Variants in ABLIM1 observed in about 807,000 individuals in gnomAD.
The protein encoded by ABLIM1 is actin binding LIM protein 1.
ABLIM1 carries 40 observed loss-of-function variants against 107.0 expected under a neutral mutation model. The ratio of observed to expected loss-of-function variants is 0.37; its 90% CI spans 0.29 to 0.49. The LOEUF (loss-of-function observed/expected upper bound fraction) is 0.49. ABLIM1 is among the 20% of genes least tolerant of loss of function. The pLI is 0.97. For missense variants in ABLIM1, 857 were observed against 1,008.5 expected, an observed-to-expected ratio of 0.85 and a Z score of 2.04; for synonymous variants, 357 against 357.3, an observed-to-expected ratio of 1.00 and a Z score of 0.01.
intron 6 of ABLIM1, among the ~76,000 whole-genome samples, chr10:114,495,996 G>A (rs79507831): frequency 0.019 from 2,821 of 152,264 alleles, 96 homozygotes; most frequent in African/African-American, 0.064. Context: ...GTGACACATT[G>A]CACAAAGTAA....
intron 4 of ABLIM1, among the ~76,000 whole-genome samples, chr10:114,565,142 C>T (rs908044717): frequency 2.0e-5 from 3 of 152,194 alleles, no homozygotes; most frequent in Non-Finnish European, 4.4e-5. Context: ...TGCCAGGCCT[C>T]CTCTGCCATT....
At chr10:114,617,443 T>C (rs1004245912) in intron 1 of ABLIM1, among the ~76,000 whole-genome samples, 2 of 151,848 alleles carry the variant, frequency 1.3e-5, no homozygotes, top group Admixed American at 6.6e-5. Context: ...TTTTTTTGTA[T>C]TTTTAGTAGA....
At chr10:114,552,624 T>C (rs1435430971) in intron 4 of ABLIM1, among the ~76,000 whole-genome samples, 4 of 152,136 alleles carry the variant, frequency 2.6e-5, no homozygotes, top group South Asian at 2.1e-4. Flanking sequence ...TCCATCTACA[T>C]AGCCGCTTCC....
At chr10:114,445,627 C>T (rs2060903127) in intron 15 of ABLIM1, among the ~76,000 whole-genome samples, 1 of 152,204 alleles carries the variant, frequency 6.6e-6, no homozygotes, top group Non-Finnish European at 1.5e-5. Context: ...GGTCAACGTG[C>T]AATGCAAGGA....
chr10:114,690,534 A>ACCTT, intron 1 of ABLIM1: 2 of 1,352,600 alleles, frequency 1.5e-6, no homozygotes, highest in Non-Finnish European at 2.1e-6. Context: ...CAGAACACGA[A>ACCTT]GGTTTTCTGC....
chr10:114,728,182 A>T (rs1442335895), intron 1 of ABLIM1, among the ~76,000 whole-genome samples: 2 of 152,260 alleles, frequency 1.3e-5, no homozygotes, highest in African/African-American at 4.8e-5. Context: ...AAGGAAAATT[A>T]AAACTAAAGT....
chr10:114,665,909 A>G (rs931163820), intron 1 of ABLIM1, among the ~76,000 whole-genome samples: 3 of 152,262 alleles, frequency 2.0e-5, no homozygotes, highest in African/African-American at 7.2e-5. Flanking sequence ...CCAGGCCTTA[A>G]TAGGAATAAA....
At chr10:114,598,830 G>A (rs1169614942) in intron 2 of ABLIM1, among the ~76,000 whole-genome samples, 2 of 151,954 alleles carry the variant, frequency 1.3e-5, no homozygotes, top group African/African-American at 2.4e-5. Context: ...TATACAAGTG[G>A]CTTGCATTTT....
At chr10:114,570,698 TC>T (rs1438760500) in intron 4 of ABLIM1, among the ~76,000 whole-genome samples, 2 of 137,456 alleles carry the variant, frequency 1.5e-5, no homozygotes, top group African/African-American at 5.4e-5. Flanking sequence ...AACCTTCGCC[TC>T]CCAGGCTCAA....
intron 1 of ABLIM1, among the ~76,000 whole-genome samples, chr10:114,618,296 G>A (rs1490706655): frequency 2.6e-5 from 4 of 152,060 alleles, no homozygotes; most frequent in Non-Finnish European, 4.4e-5. Context: ...AGATTTAATC[G>A]TTTCCCTTTC....
the ABLIM1 span, among the ~76,000 whole-genome samples, chr10:114,794,434 T>C: frequency 6.7e-6 from 1 of 150,218 alleles, no homozygotes; most frequent in Non-Finnish European, 1.5e-5. Flanking sequence ...TTTTGCTGAA[T>C]GAATGAATGA....
chr10:114,744,559 T>C (rs1181331925), intron 1 of ABLIM1, among the ~76,000 whole-genome samples: 3 of 152,210 alleles, frequency 2.0e-5, no homozygotes, highest in African/African-American at 7.2e-5. Flanking sequence ...GGCAGGAGGA[T>C]TGCTTGAGTC....
chr10:114,453,601 G>T, intron 12 of ABLIM1, 118 bp from the exon 13 acceptor site: 1 of 786,230 alleles, frequency 1.3e-6, no homozygotes, highest in Non-Finnish European at 1.9e-6. Context: ...TCAAAAAGGA[G>T]AAACAAAAGA....
At chr10:114,787,630 T>G in the ABLIM1 span, among the ~76,000 whole-genome samples, 88 of 84,350 alleles carry the variant, frequency 1.0e-3, no homozygotes, top group Non-Finnish European at 1.2e-3. Flanking sequence ...AGGTGAGGGG[T>G]GCCTCTGCCC....
At chr10:114,464,860 C>T (rs907872985) in intron 12 of ABLIM1, among the ~76,000 whole-genome samples, 2 of 152,176 alleles carry the variant, frequency 1.3e-5, no homozygotes, top group African/African-American at 4.8e-5. Flanking sequence ...TCTTCACAGA[C>T]GCGCACTGTC....
intron 1 of ABLIM1, among the ~76,000 whole-genome samples, chr10:114,742,266 T>A (rs184229272): frequency 6.6e-6 from 1 of 152,202 alleles, no homozygotes; most frequent in Non-Finnish European, 1.5e-5. Flanking sequence ...ACCCTGGATA[T>A]TTTTAATTGC....
intron 6 of ABLIM1, among the ~76,000 whole-genome samples, chr10:114,505,413 T>C (rs149120845): frequency 3.3e-5 from 5 of 152,324 alleles, no homozygotes; most frequent in East Asian, 3.9e-4. Context: ...CAATAGCATG[T>C]TGGAGTCAGG....
intron 2 of ABLIM1, among the ~76,000 whole-genome samples, chr10:114,577,128 A>T (rs3808951): frequency 1.2e-4 from 18 of 152,136 alleles, no homozygotes; most frequent in Admixed American, 1.2e-3. Flanking sequence ...ATATCTGTCT[A>T]TGTGCAGATC....
chr10:114,589,981 C>T (rs2074676253), intron 2 of ABLIM1, among the ~76,000 whole-genome samples: 1 of 152,104 alleles, frequency 6.6e-6, no homozygotes, highest in African/African-American at 2.4e-5. Context: ...AAGCTCCATT[C>T]GTGGTAAGTG....
Sources: allele counts gnomAD v4.1 joint callset (sites outside exome capture counted in the v4.1 genomes callset), GRCh38; gene constraint gnomAD v4.1.1; transcripts MANE v1.5; gene names NCBI Gene and HGNC (gene_info 2026-07-23, HGNC 2026-07-21).